The following TMCC1 variants were observed in gnomAD, a reference collection of about 807,000 sequenced individuals.
The protein encoded by TMCC1 is transmembrane and coiled-coil domain family 1.
A neutral mutation model predicts 52.4 loss-of-function variants in TMCC1; 15 were observed. That is an observed-to-expected ratio of 0.29 (90% CI 0.19 to 0.44). The LOEUF is 0.44. TMCC1 is among the 20% of genes least tolerant of loss of function. The pLI, the probability that TMCC1 is intolerant of heterozygous loss-of-function variation, is 1.00. For missense variants in TMCC1, 503 were observed against 806.0 expected (o/e 0.62, Z 4.55); for synonymous variants, 279 against 301.9 (o/e 0.92, Z 0.79).
chr3:129,792,395 T>C (rs754020665), intron 4 of TMCC1, among the ~76,000 whole-genome samples: 8 of 151,980 alleles, frequency 5.3e-5, no homozygotes, highest in Non-Finnish European at 1.0e-4. Flanking sequence ...TCACCCAGGC[T>C]GGAGTGCAGT....
At chr3:129,758,650 C>T (rs1298354979) in intron 4 of TMCC1, among the ~76,000 whole-genome samples, 1 of 152,110 alleles carries the variant, frequency 6.6e-6, no homozygotes, top group Non-Finnish European at 1.5e-5. Flanking sequence ...CCCAAATGAA[C>T]AGATTTGTAT....
rs1675073910 is a variant in TMCC1 at position 129,670,257 on chromosome 3, A to G, written c.1511+73T>C. On this transcript the variant is annotated intron_variant, in intron 5 of 6. Transcript: ENST00000393238. ...CTAGAGAAAGATAAAGACTTTTAAA[A>G]GCCATTTCCCCATATCTAAAGGGAG... The G allele has an allele frequency of 6.8e-6, 10 of 1,477,548 alleles. No homozygotes were observed. In the South Asian group the frequency reaches 1.2e-4, roughly 18 times the overall value. The allele number at this position is 1,477,548 out of a possible 1,614,324, so 91.5% of individuals were successfully genotyped here.
intron 4 of TMCC1, among the ~76,000 whole-genome samples, chr3:129,705,589 T>C (rs901554709): frequency 1.3e-5 from 2 of 151,860 alleles, no homozygotes; most frequent in Non-Finnish European, 2.9e-5. Flanking sequence ...TCTTTATACT[T>C]AACCTATTTG....
chr3:129,867,846 C>T (rs981573669), intron 2 of TMCC1, among the ~76,000 whole-genome samples: 6 of 152,110 alleles, frequency 3.9e-5, no homozygotes, highest in South Asian at 2.1e-4. Flanking sequence ...CTAAAGATGA[C>T]GACAGATGAA....
At chr3:129,864,701 C>G (rs2060542694) in intron 2 of TMCC1, among the ~76,000 whole-genome samples, 1 of 152,244 alleles carries the variant, frequency 6.6e-6, no homozygotes, top group South Asian at 2.1e-4. Context: ...TGAGATCACA[C>G]CCTGCATTCT....
chr3:129,784,204 T>C (rs2055782280), intron 4 of TMCC1, among the ~76,000 whole-genome samples: 2 of 152,140 alleles, frequency 1.3e-5, no homozygotes, highest in Admixed American at 6.5e-5. Flanking sequence ...GACATTATTC[T>C]ATGTTCCTGG....
chr3:129,680,391 ATATAC>A (rs1202664521), intron 4 of TMCC1, among the ~76,000 whole-genome samples: 1 of 152,198 alleles, frequency 6.6e-6, no homozygotes, highest in Non-Finnish European at 1.5e-5. Flanking sequence ...CCTAGGAGAT[ATATAC>A]TATTTTAATC....
Position 129,658,456 on chromosome 3 carries a change from T to C in TMCC1, c.1512-3353A>G, listed in dbSNP as rs145198455. Among the ~76,000 whole-genome samples, 620 of 152,356 alleles carry C rather than the reference T, an allele frequency of 4.1e-3. 6 individuals are homozygous for C. The highest frequency in any genetic ancestry group is 0.014 in the African/African-American group (600 of 41,578). On this transcript the variant is annotated intron_variant, in intron 5 of 6. Transcript: ENST00000393238. ...TGATGGGCTTAAATCAAACCATTGT[T>C]AGCCAGGGACTGTCTGTACAACAAC...
chr3:129,865,139 C>T (rs147507546), intron 2 of TMCC1, among the ~76,000 whole-genome samples: 21 of 152,212 alleles, frequency 1.4e-4, no homozygotes, highest in African/African-American at 2.2e-4. Flanking sequence ...GTCAGACTAG[C>T]CTCTTACACT....
chr3:129,831,545 T>TA (rs1309353031), intron 3 of TMCC1, among the ~76,000 whole-genome samples: 1 of 152,198 alleles, frequency 6.6e-6, no homozygotes, highest in Non-Finnish European at 1.5e-5. Context: ...ATATGGTACT[T>TA]ACACTTGTAG....
intron 4 of TMCC1, among the ~76,000 whole-genome samples, chr3:129,756,803 G>C (rs2053054304): frequency 6.6e-6 from 1 of 152,196 alleles, no homozygotes; most frequent in East Asian, 1.9e-4. Flanking sequence ...CAAAACTATA[G>C]TGATGGAAAA....
At chr3:129,688,532 T>A in intron 4 of TMCC1, 1 of 985,508 alleles carries the variant, frequency 1.0e-6, no homozygotes, top group Non-Finnish European at 1.2e-6. Flanking sequence ...CGCACCACAT[T>A]AATACCCTCG....
At chr3:129,886,829 C>A (rs558596620) in intron 1 of TMCC1, among the ~76,000 whole-genome samples, 1 of 151,646 alleles carries the variant, frequency 6.6e-6, no homozygotes. Context: ...CCCAGCTACT[C>A]GGGAGGCTGA....
In TMCC1 at chr3:129,733,651, T is replaced by G. The variant is rs567662764; in HGVS notation, c.577-62387A>C. Among the ~76,000 whole-genome samples the G allele has an allele frequency of 2.0e-5, 3 of 152,300 alleles. No homozygotes were observed. In the East Asian group the frequency reaches 5.8e-4, roughly 29 times the overall value. On this transcript the variant is annotated intron_variant, in intron 4 of 6. Transcript: ENST00000393238. Reference sequence around the variant, plus strand: ...AAAAAATTTTCCCCAAAGTTATTCTTGTATAGAATTCCTAAAACAAGGTTT... The same window carrying G: ...AAAAAATTTTCCCCAAAGTTATTCTGGTATAGAATTCCTAAAACAAGGTTT...
chr3:129,844,705 T>G (rs923666368), intron 2 of TMCC1, among the ~76,000 whole-genome samples: 1 of 152,196 alleles, frequency 6.6e-6, no homozygotes, highest in African/African-American at 2.4e-5. Flanking sequence ...AAATCTGGTC[T>G]AGGCAGGCAG....
chr3:129,878,073 C>T (rs936658922), intron 2 of TMCC1, among the ~76,000 whole-genome samples: 1 of 152,074 alleles, frequency 6.6e-6, no homozygotes, highest in African/African-American at 2.4e-5. Flanking sequence ...ATTCTCCTGC[C>T]TCAGCCTCCC....
At chr3:129,869,757 A>G (rs2060827050) in intron 2 of TMCC1, among the ~76,000 whole-genome samples, 1 of 152,222 alleles carries the variant, frequency 6.6e-6, no homozygotes, top group Non-Finnish European at 1.5e-5. Context: ...TACAAATAGA[A>G]AACCCAAAAA....
intron 6 of TMCC1, among the ~76,000 whole-genome samples, chr3:129,652,717 A>G (rs1306464129): frequency 6.6e-6 from 1 of 152,242 alleles, no homozygotes; most frequent in Non-Finnish European, 1.5e-5. Flanking sequence ...ACTGGCTTCA[A>G]GTCTTTACAC....
intron 5 of TMCC1, among the ~76,000 whole-genome samples, chr3:129,667,826 G>A (rs1236694965): frequency 2.0e-5 from 3 of 152,126 alleles, no homozygotes; most frequent in African/African-American, 7.2e-5. Flanking sequence ...TTGACATGAA[G>A]ACATAACAAG....
Sources: gnomAD v4.1 joint callset for allele counts (sites outside exome capture counted in the v4.1 genomes callset) on GRCh38, gnomAD v4.1.1 for gene constraint, MANE v1.5 for transcripts, NCBI Gene and HGNC (gene_info 2026-07-23, HGNC 2026-07-21) for gene names.